The following KIRREL3 variants were observed in gnomAD, a reference collection of about 807,000 sequenced individuals.
KIRREL3 encodes kirre like nephrin family adhesion molecule 3, also known as kin of IRRE-like protein 3.
Under a neutral mutation model 89.7 loss-of-function variants are expected in KIRREL3, and 36 were observed. That is an observed-to-expected ratio of 0.40 (90% confidence interval 0.31 to 0.53). The LOEUF (loss-of-function observed/expected upper bound fraction) is 0.53, where lower values mean the gene tolerates loss of function less well. Among genes scored for constraint, KIRREL3 ranks in the 20% least tolerant of loss-of-function variants. The pLI is 0.49. For missense variants in KIRREL3, 864 were observed against 1,056.6 expected (o/e 0.82, Z 2.53); for synonymous variants, 445 against 441.4 (o/e 1.01, Z -0.10).
In KIRREL3 at chr11:126,486,290, G is replaced by T. The variant is rs887036804; in HGVS notation, c.434-12824C>A. On this transcript the variant is annotated intron_variant, in intron 4 of 16. Transcript: ENST00000525144. This position sits in a 1 kb window ranked among gnomAD's most constrained non-coding sequence, Gnocchi z 6.2. ...GAGGCCAGCAGAGAAGGGACAGTGG[G>T]GTGGGGGAGTGCATCAAACTGGAGA... Among the ~76,000 whole-genome samples the T allele has an allele frequency of 6.6e-6, 1 of 152,150 alleles. No homozygotes were observed. The highest frequency in any genetic ancestry group is 2.4e-5 in the African/African-American group (1 of 41,414).
rs1457320642 is a variant in KIRREL3 at position 126,977,055 on chromosome 11, GC to G, written c.55+23399del. On this transcript the variant is annotated intron_variant, in intron 1 of 16. Coordinates refer to ENST00000525144, the MANE Select transcript of KIRREL3 (RefSeq NM_032531.4). The surrounding 1 kb of genome is among the most constrained non-coding windows in gnomAD (Gnocchi z 4.7). Reference sequence around the variant, plus strand: ...CATGCTGCATTTCCCAAGGAGGACTGCCCTTTTTATTCTTCTTCCTTCTTGA... The same window carrying G: ...CATGCTGCATTTCCCAAGGAGGACTGCCTTTTTATTCTTCTTCCTTCTTGA... Among the ~76,000 whole-genome samples, 1 of 152,126 alleles carries G rather than the reference GC, an allele frequency of 6.6e-6. No homozygotes were observed. The highest frequency in any genetic ancestry group is 1.5e-5 in the Non-Finnish European group (1 of 68,016).
chr11:126,718,975 C>T (rs1035578940), intron 1 of KIRREL3, among the ~76,000 whole-genome samples: 1 of 152,204 alleles, frequency 6.6e-6, no homozygotes, highest in Admixed American at 6.5e-5. Flanking sequence ...ATCATTCCCC[C>T]TTTATTTAAT....
At position 126,460,000 on chromosome 11, in the gene KIRREL3, G is replaced by A. The variant is rs887358954; in HGVS notation, c.742+3157C>T. Among the ~76,000 whole-genome samples the A allele has an allele frequency of 6.6e-6, 1 of 152,104 alleles. No individual in the cohort carries two copies. The highest frequency in any genetic ancestry group is 1.5e-5 in the Non-Finnish European group (1 of 68,032). On this transcript the variant is annotated intron_variant, in intron 6 of 16. Transcript: ENST00000525144. The surrounding 1 kb of genome is among the most constrained non-coding windows in gnomAD (Gnocchi z 4.8). ...GTTTGGATGCTTCTTGGTTGACTGA[G>A]AAAATGAGCAGGTTCACAAAGGCAG... is the stretch of plus-strand genomic sequence containing the variant.
intron 1 of KIRREL3, among the ~76,000 whole-genome samples, chr11:126,735,297 C>A (rs531893076): frequency 6.6e-6 from 1 of 152,048 alleles, no homozygotes; most frequent in Admixed American, 6.6e-5. Context: ...TTGACGAGTA[C>A]GGGAAGGAAT....
chr11:126,548,583 C>T (rs573811037), intron 2 of KIRREL3, among the ~76,000 whole-genome samples: 11 of 152,356 alleles, frequency 7.2e-5, no homozygotes, highest in Admixed American at 1.3e-4. Flanking sequence ...CCCCCCATGC[C>T]GATGCCTCCT....
intron 1 of KIRREL3, among the ~76,000 whole-genome samples, chr11:126,700,152 C>T (rs983221103): frequency 2.0e-5 from 3 of 151,212 alleles, no homozygotes; most frequent in Non-Finnish European, 4.4e-5. Context: ...TATGCTTGTG[C>T]CACTGCAGCT....
intron 1 of KIRREL3, among the ~76,000 whole-genome samples, chr11:126,613,759 T>C (rs1370074732): frequency 6.6e-6 from 1 of 152,080 alleles, no homozygotes; most frequent in Non-Finnish European, 1.5e-5. Context: ...TGTGCATTTA[T>C]TAAAATGTAA....
intron 4 of KIRREL3, among the ~76,000 whole-genome samples, chr11:126,499,636 G>A (rs12803511): frequency 0.06 from 9,202 of 152,294 alleles, 305 homozygotes; most frequent in South Asian, 0.16. Context: ...AAACGCTCAC[G>A]TTAGGGAGTG....
rs879659636 is a variant in KIRREL3 at position 126,521,075 on chromosome 11, C to T, written c.433+240G>A. ...TAGCTGCCTAAGGCACCATCAAACACGCCGGGGTTGGACTGAGTCCGCTGG... is the reference window on the plus strand; with the variant it reads ...TAGCTGCCTAAGGCACCATCAAACATGCCGGGGTTGGACTGAGTCCGCTGG... On this transcript the variant is annotated intron_variant, in intron 4 of 16. Transcript: ENST00000525144. The surrounding 1 kb of genome is among the most constrained non-coding windows in gnomAD (Gnocchi z 4.1). Among the ~76,000 whole-genome samples the T allele has an allele frequency of 6.6e-5, 10 of 152,210 alleles. No individual in the cohort carries two copies. The highest frequency in any genetic ancestry group is 4.8e-5 in the African/African-American group (2 of 41,458).
At chr11:126,436,721 C>T in intron 12 of KIRREL3, 90 bp downstream of exon 12, 1 of 1,421,342 alleles carries the variant, frequency 7.0e-7, no homozygotes, top group Non-Finnish European at 9.8e-7. Context: ...CCCTGGCCCA[C>T]CTTGCAGCCA....
upstream of KIRREL3, among the ~76,000 whole-genome samples, chr11:127,002,543 C>T (rs1201165158): frequency 6.6e-6 from 1 of 152,060 alleles, no homozygotes; most frequent in Non-Finnish European, 1.5e-5. Context: ...TAACATATGC[C>T]AAATAACACA....
chr11:126,441,577 A>T lies in KIRREL3; in HGVS notation c.1253-1028T>A, dbSNP rs1955565081. Among the ~76,000 whole-genome samples, 1 of 152,242 alleles carries T rather than the reference A, an allele frequency of 6.6e-6. No homozygotes were observed. The highest frequency in any genetic ancestry group is 2.1e-4 in the South Asian group (1 of 4,826). Reference sequence around the variant, plus strand: ...CCCTGGGGTCACAGTTGGGACTTAGATGGCAGATACCAGAGGAAAGACAGC... The same window carrying T: ...CCCTGGGGTCACAGTTGGGACTTAGTTGGCAGATACCAGAGGAAAGACAGC... On this transcript the variant is annotated intron_variant, in intron 10 of 16. Transcript: ENST00000525144. This position sits in a 1 kb window ranked among gnomAD's most constrained non-coding sequence, Gnocchi z 5.0.
intron 1 of KIRREL3, among the ~76,000 whole-genome samples, chr11:126,616,166 AG>A (rs1196871488): frequency 3.9e-5 from 6 of 152,220 alleles, no homozygotes; most frequent in African/African-American, 1.4e-4. Context: ...AGGCACAGAA[AG>A]AAATGCATTA....
In KIRREL3 at chr11:126,535,618, A is replaced by G. The variant is rs116728810; in HGVS notation, c.134-8931T>C. Among the ~76,000 whole-genome samples, 293 of 152,030 alleles carry G rather than the reference A, an allele frequency of 1.9e-3. 1 individual carries two copies. Among genetic ancestry groups the G allele is most frequent in the African/African-American group, 6.8e-3 (284 of 41,464 alleles). On this transcript the variant is annotated intron_variant, in intron 2 of 16. Transcript: ENST00000525144. The surrounding 1 kb of genome is among the most constrained non-coding windows in gnomAD (Gnocchi z 4.5). ...GCACGTGGGTGTGTTTGTCAGATTAACTGAATTGGCCTCAACCCCACCTTT... is the reference window on the plus strand; with the variant it reads ...GCACGTGGGTGTGTTTGTCAGATTAGCTGAATTGGCCTCAACCCCACCTTT...
At position 126,999,149 on chromosome 11, in the gene KIRREL3, A is replaced by AGT. The variant is rs56695003; in HGVS notation, c.55+1304_55+1305dup. ...AAGCACACAACCATATGAATACATG[A>AGT]GTGTGTGTGTGTGTGTGTGTGTACA... is the stretch of plus-strand genomic sequence containing the variant. On this transcript the variant is annotated intron_variant, in intron 1 of 16. Coordinates refer to ENST00000525144, the MANE Select transcript of KIRREL3 (RefSeq NM_032531.4). The surrounding 1 kb of genome is among the most constrained non-coding windows in gnomAD (Gnocchi z 5.7). Among the ~76,000 whole-genome samples, 11,946 of 141,252 alleles carry AGT rather than the reference A, an allele frequency of 0.085. 513 individuals carry two copies. Among genetic ancestry groups the AGT allele is most frequent in the Admixed American group, 0.12 (1,756 of 14,352 alleles). The allele number at this position is 141,252 out of a possible 152,430, so 92.7% of individuals were successfully genotyped here.
In KIRREL3 at chr11:126,513,731, C is replaced by A. The variant is rs184402230; in HGVS notation, c.433+7584G>T. On this transcript the variant is annotated intron_variant, in intron 4 of 16. Coordinates refer to ENST00000525144, the MANE Select transcript of KIRREL3 (RefSeq NM_032531.4). The surrounding 1 kb of genome is among the most constrained non-coding windows in gnomAD (Gnocchi z 5.9). ...GGGGCAGGGAGATTGTGGGGGGCGA[C>A]CTTGGAGTGCAGCAGGAGGGCAGGG... 6.6e-6 allele frequency among the ~76,000 whole-genome samples: 1 copy of A among 152,104 alleles called. No individual in the cohort carries two copies.
At position 126,723,096 on chromosome 11, in the gene KIRREL3, G is replaced by T. The variant is rs1187755200; in HGVS notation, c.56-160184C>A. On this transcript the variant is annotated intron_variant, in intron 1 of 16. Coordinates refer to ENST00000525144, the MANE Select transcript of KIRREL3 (RefSeq NM_032531.4). This position sits in a 1 kb window ranked among gnomAD's most constrained non-coding sequence, Gnocchi z 4.0. ...GGTATTGCGGTATTTGACACATGTTGGACTCTCCACTTGACTGAGATTAAG... is the reference window on the plus strand; with the variant it reads ...GGTATTGCGGTATTTGACACATGTTTGACTCTCCACTTGACTGAGATTAAG... Among the ~76,000 whole-genome samples the T allele has an allele frequency of 6.6e-6, 1 of 152,102 alleles. No individual in the cohort carries two copies. Among genetic ancestry groups the T allele is most frequent in the East Asian group, 1.9e-4 (1 of 5,200 alleles).
chr11:126,558,539 T>C lies in KIRREL3; in HGVS notation c.133+4296A>G, dbSNP rs955033867. ...TCCTGGCTCTTCCAGCCACTTCATA[T>C]GGGCCCCGGGCAAGTTGCTGCATGC... On this transcript the variant is annotated intron_variant, in intron 2 of 16. Coordinates refer to ENST00000525144, the MANE Select transcript of KIRREL3 (RefSeq NM_032531.4). This position sits in a 1 kb window ranked among gnomAD's most constrained non-coding sequence, Gnocchi z 4.0. 1.3e-5 allele frequency among the ~76,000 whole-genome samples: 2 copies of C among 152,212 alleles called. No homozygotes were observed. The highest frequency in any genetic ancestry group is 2.4e-5 in the African/African-American group (1 of 41,460).
In KIRREL3 at chr11:126,666,810, C is replaced by T. The variant is rs1240871873; in HGVS notation, c.56-103898G>A. Among the ~76,000 whole-genome samples the T allele has an allele frequency of 6.6e-6, 1 of 152,176 alleles. No homozygotes were observed. The highest frequency in any genetic ancestry group is 1.5e-5 in the Non-Finnish European group (1 of 68,028). On this transcript the variant is annotated intron_variant, in intron 1 of 16. Transcript: ENST00000525144. The surrounding 1 kb of genome is among the most constrained non-coding windows in gnomAD (Gnocchi z 4.2). ...TTGAGGAGCCAGTCACTGAGTTTCT[C>T]TGTTGATCAATCACCATTGCTGGTA...
Sources: allele counts gnomAD v4.1 joint callset (sites outside exome capture counted in the v4.1 genomes callset), GRCh38; gene constraint gnomAD v4.1.1; non-coding constraint Gnocchi (gnomAD v3.1); transcripts MANE v1.5; gene names NCBI Gene and HGNC (gene_info 2026-07-23, HGNC 2026-07-21).